Variants in RUBCNL observed in about 807,000 individuals in gnomAD.
RUBCNL encodes the protein rubicon like autophagy enhancer, also known as protein associated with UVRAG as autophagy enhancer.
RUBCNL carries 62 observed loss-of-function variants against 69.5 expected under a neutral mutation model. That is an observed-to-expected ratio of 0.89 (90% CI 0.73 to 1.10). RUBCNL has a LOEUF of 1.10. RUBCNL is among the 50% of genes least tolerant of loss of function. The probability of loss-of-function intolerance (pLI) is 0.00; values close to 1 mark genes in which losing one functional copy is unlikely to be tolerated. For synonymous variants in RUBCNL, 291 were observed against 303.6 expected, an observed-to-expected ratio of 0.96 and a Z score of 0.43; for missense variants, 768 against 798.1, an observed-to-expected ratio of 0.96 and a Z score of 0.45.
intron 1 of RUBCNL, among the ~76,000 whole-genome samples, chr13:46,383,628 G>A (rs2049169468): frequency 6.6e-6 from 1 of 152,116 alleles, no homozygotes; most frequent in Admixed American, 6.5e-5. Flanking sequence ...AACTCTCTTG[G>A]TTTCTACACA....
chr13:46,365,857 T>C (rs2048743060), intron 5 of RUBCNL, among the ~76,000 whole-genome samples: 1 of 152,134 alleles, frequency 6.6e-6, no homozygotes, highest in African/African-American at 2.4e-5. Context: ...GGAAGACAGA[T>C]ACATGCAGGA....
chr13:46,356,385 G>A, intron 10 of RUBCNL, 47 bp downstream of exon 10: 2 of 1,590,278 alleles, frequency 1.3e-6, no homozygotes, highest in Non-Finnish European at 1.7e-6. Flanking sequence ...TGCTATTCTG[G>A]ACCTTGTCAT....
At chr13:46,375,432 C>A (rs2048970381) in intron 2 of RUBCNL, among the ~76,000 whole-genome samples, 1 of 152,110 alleles carries the variant, frequency 6.6e-6, no homozygotes, top group African/African-American at 2.4e-5. Flanking sequence ...ACTGAGGAGG[C>A]TGAGGCAGGA....
chr13:46,361,478 G>C lies in RUBCNL; in HGVS notation c.1082C>G (p.Ser361Cys). The C allele has an allele frequency of 1.2e-6, 2 of 1,613,956 alleles. No homozygotes were observed. The highest frequency in any genetic ancestry group is 1.3e-5 in the African/African-American group (1 of 75,046). The change falls in exon 8 of 15, where the codon TCT (serine) becomes TGT (cysteine). Residue 361 changes from serine (S) to cysteine (C), a missense_variant. By Grantham distance (112) the Ser-to-Cys change is moderately radical. Coordinates refer to ENST00000429979, the MANE Select transcript of RUBCNL (RefSeq NM_025113.5). The stretch of plus-strand genomic sequence containing the variant: ...TGCACTCAGGGAACCTGCCAGCTGA[G>C]AATTAACTACTGACAGTATCCAGCA... ...QKCWILSVVN[S>C]QLAGSLSAAG...
upstream of RUBCNL, chr13:46,389,955 T>C (rs2049313876): frequency 6.6e-6 from 1 of 152,286 alleles, no homozygotes; most frequent in Admixed American, 6.5e-5. This position sits in a 1 kb window ranked among gnomAD's most constrained non-coding sequence, Gnocchi z 4.2. Flanking sequence ...GGTTTTTTCA[T>C]GGGGAAGGTG....
rs2048106262 is a variant in RUBCNL at position 46,336,558 on chromosome 13, A to G, written c.*6827T>C. Among the ~76,000 whole-genome samples the G allele has an allele frequency of 6.8e-6, 1 of 147,202 alleles. No homozygotes were observed. Among genetic ancestry groups the G allele is most frequent in the African/African-American group, 2.4e-5 (1 of 41,026 alleles). On this transcript the variant is annotated 3_prime_UTR_variant, in exon 15 of 15. Transcript: ENST00000429979. The stretch of plus-strand genomic sequence containing the variant: ...CATTATAGTCTAGCTTTTCTTAGCT[A>G]GACTTTTTTATTTTATTATATTTTA...
At chr13:46,372,676 A>G in intron 2 of RUBCNL, 79 bp from the exon 3 acceptor site, 1 of 1,349,666 alleles carries the variant, frequency 7.4e-7, no homozygotes, top group Non-Finnish European at 9.7e-7. Context: ...AGATGGCAAA[A>G]CCCAAAAAAT....
At chr13:46,362,939 G>T (rs4941554) in intron 6 of RUBCNL, among the ~76,000 whole-genome samples, 176 bp downstream of exon 6, 12,797 of 40,108 alleles carry the variant, frequency 0.32, 2,234 homozygotes, top group African/African-American at 0.57. Context: ...TATATATATA[G>T]ATATATATAT....
At chr13:46,358,050 T>C (rs1011535827) in intron 9 of RUBCNL, among the ~76,000 whole-genome samples, 2 of 152,192 alleles carry the variant, frequency 1.3e-5, no homozygotes, top group African/African-American at 2.4e-5. Context: ...GGTAAAAATA[T>C]GCTAAATCTC....
At chr13:46,350,521 G>A (rs1327399057) in intron 10 of RUBCNL, 170 bp from the exon 11 acceptor site, 2 of 567,178 alleles carry the variant, frequency 3.5e-6, no homozygotes, top group Middle Eastern at 4.6e-4. Flanking sequence ...AGAGACTTGG[G>A]GAATTAAATC....
chr13:46,355,189 C>G (rs771768710), intron 10 of RUBCNL, among the ~76,000 whole-genome samples: 30 of 152,230 alleles, frequency 2.0e-4, no homozygotes, highest in Non-Finnish European at 4.0e-4. Flanking sequence ...CAAAGCTCCT[C>G]TTTCCAGCCT....
intron 7 of RUBCNL, 125 bp downstream of exon 7, chr13:46,362,413 G>C: frequency 1.9e-6 from 1 of 534,556 alleles, no homozygotes; most frequent in East Asian, 3.1e-5. Context: ...TACTCTCCTA[G>C]ATTCATGGGA....
rs763525166 is a variant in RUBCNL, at chr13:46,368,855, G to A, written c.536-40C>T. On this transcript the variant is annotated intron_variant, in intron 3 of 14. Coordinates refer to ENST00000429979, the MANE Select transcript of RUBCNL (RefSeq NM_025113.5). Reference sequence around the variant, plus strand: ...AATTGTTAAAAATGGGGAAAAGGGAGTTTAAAGATTACCTAATAAAATAAA... The same window carrying A: ...AATTGTTAAAAATGGGGAAAAGGGAATTTAAAGATTACCTAATAAAATAAA... The A allele has an allele frequency of 1.2e-5, 17 of 1,425,542 alleles. 1 individual carries two copies. The South Asian group carries it at 2.1e-4, about 17-fold the overall frequency. The allele number at this position is 1,425,542 out of a possible 1,614,324, so 88.3% of individuals were successfully genotyped here.
rs2048817613 is a variant in RUBCNL at position 46,368,833 on chromosome 13, T to C, written c.536-18A>G. On this transcript the variant is annotated intron_variant, in intron 3 of 14. Transcript: ENST00000429979. ...AACAGCACCTGCCAATATAGCAAATTGTTAAAAATGGGGAAAAGGGAGTTT... is the reference window on the plus strand; with the variant it reads ...AACAGCACCTGCCAATATAGCAAATCGTTAAAAATGGGGAAAAGGGAGTTT... 6.3e-7 allele frequency: 1 copy of C among 1,583,926 alleles called. No individual in the cohort carries two copies.
chr13:46,354,648 C>T (rs968075926), intron 10 of RUBCNL: 10 of 392,820 alleles, frequency 2.5e-5, no homozygotes, highest in East Asian at 1.4e-4. Context: ...AATCACTTTC[C>T]GATGAAACCT....
intron 10 of RUBCNL, among the ~76,000 whole-genome samples, chr13:46,355,791 C>T (rs1046494032): frequency 2.6e-5 from 4 of 152,178 alleles, no homozygotes; most frequent in East Asian, 1.9e-4. Flanking sequence ...CAACAGACAA[C>T]ACATGTGGCC....
At chr13:46,375,745 T>G (rs2048978212) in intron 2 of RUBCNL, among the ~76,000 whole-genome samples, 1 of 152,090 alleles carries the variant, frequency 6.6e-6, no homozygotes, top group Admixed American at 6.5e-5. Context: ...TTTTGGAGAC[T>G]TCTTGATTTG....
At position 46,377,887 on chromosome 13, in the gene RUBCNL, C is replaced by T; in HGVS notation, c.-123+3G>A. ...AAGACAAAAGGCCAGGTCGGACACT[C>T]ACCAGGAGTATGAATTTCTCGAAGA... On this transcript the variant is annotated splice_donor_region_variant and intron_variant, in intron 2 of 14. Transcript: ENST00000429979. 6.3e-7 allele frequency: 1 copy of T among 1,582,020 alleles called. No individual in the cohort carries two copies. Among genetic ancestry groups the T allele is most frequent in the Non-Finnish European group, 8.7e-7 (1 of 1,154,156 alleles).
At chr13:46,384,849 T>C (rs2049202392) in intron 1 of RUBCNL, among the ~76,000 whole-genome samples, 1 of 152,158 alleles carries the variant, frequency 6.6e-6, no homozygotes, top group African/African-American at 2.4e-5. Context: ...GTAGAATTAT[T>C]ATCATCATTT....
Sources: gnomAD v4.1 joint callset for allele counts (sites outside exome capture counted in the v4.1 genomes callset) on GRCh38, gnomAD v4.1.1 for gene constraint, Gnocchi (gnomAD v3.1) non-coding constraint, MANE v1.5 for transcripts, NCBI Gene and HGNC (gene_info 2026-07-23, HGNC 2026-07-21) for gene names.